MARCHF1: variants seen among roughly 807,000 people sequenced by gnomAD.
MARCHF1 encodes E3 ubiquitin-protein ligase MARCHF1.
Under a neutral mutation model 54.2 loss-of-function variants are expected in MARCHF1, and 40 were observed. The ratio of observed to expected loss-of-function variants is 0.74; its 90% CI spans 0.57 to 0.96. The LOEUF is 0.96. MARCHF1 is among the 40% of genes least tolerant of loss of function. The pLI is 0.00. For missense variants in MARCHF1, 586 were observed against 656.5 expected (o/e 0.89, Z 1.17); for synonymous variants, 236 against 236.3 (o/e 1.00, Z 0.01).
Position 163,528,179 on chromosome 4 carries a change from ATGCAT to A in MARCHF1, c.*564_*568del, listed in dbSNP as rs1738202723. ...TATATTGCATCTATTTAAAAAAAACATGCATCTGTCAAAATAACCAGACTCCACTA... is the reference window on the plus strand; with the variant it reads ...TATATTGCATCTATTTAAAAAAAACACTGTCAAAATAACCAGACTCCACTA... On this transcript the variant is annotated 3_prime_UTR_variant, in exon 10 of 10. Transcript: ENST00000514618. 1 of 152,584 alleles carries A rather than the reference ATGCAT, an allele frequency of 6.6e-6. No individual in the cohort carries two copies. The highest frequency in any genetic ancestry group is 1.5e-5 in the Non-Finnish European group (1 of 68,068). 9.5% of individuals were successfully genotyped at this position (152,584 alleles called of 1,614,324 possible).
chr4:163,587,022 A>C (rs2110830235), intron 7 of MARCHF1, among the ~76,000 whole-genome samples: 1 of 152,348 alleles, frequency 6.6e-6, no homozygotes, highest in Non-Finnish European at 1.5e-5. Flanking sequence ...GAGTACAGAA[A>C]ATCCTATTGT....
intron 4 of MARCHF1, among the ~76,000 whole-genome samples, chr4:163,767,559 C>T (rs1364789401): frequency 1.3e-5 from 2 of 152,098 alleles, no homozygotes; most frequent in Non-Finnish European, 2.9e-5. Context: ...TGGTCTCGAT[C>T]TCCTGACCTC....
At chr4:164,149,719 T>A (rs17044585) in intron 1 of MARCHF1, among the ~76,000 whole-genome samples, 28,874 of 151,942 alleles carry the variant, frequency 0.19, 4,344 homozygotes, top group African/African-American at 0.41. Context: ...CAGTTTTGGA[T>A]ATACTTAAAG....
At chr4:164,325,750 C>A (rs1735261024) in intron 1 of MARCHF1, among the ~76,000 whole-genome samples, 1 of 151,628 alleles carries the variant, frequency 6.6e-6, no homozygotes. Flanking sequence ...ATAAAAAAGA[C>A]CTCAGTGCTC....
chr4:164,260,031 A>G (rs1442531914), intron 1 of MARCHF1, among the ~76,000 whole-genome samples: 2 of 152,182 alleles, frequency 1.3e-5, no homozygotes, highest in African/African-American at 4.8e-5. Flanking sequence ...TGATTTTAAC[A>G]TATAACCGGG....
At chr4:163,960,459 G>A (rs1267788794) in intron 3 of MARCHF1, among the ~76,000 whole-genome samples, 3 of 151,914 alleles carry the variant, frequency 2.0e-5, no homozygotes, top group Non-Finnish European at 2.9e-5. Flanking sequence ...TTTACATTAC[G>A]GAATACTATG....
intron 1 of MARCHF1, among the ~76,000 whole-genome samples, chr4:164,341,870 C>T (rs1007218006): frequency 2.0e-5 from 3 of 152,118 alleles, no homozygotes; most frequent in Admixed American, 6.5e-5. Flanking sequence ...AACTCTGAAA[C>T]AAATTAAGTA....
At chr4:163,531,209 A>G (rs1010624544) in intron 9 of MARCHF1, among the ~76,000 whole-genome samples, 7 of 151,892 alleles carry the variant, frequency 4.6e-5, no homozygotes, top group Non-Finnish European at 1.0e-4. Flanking sequence ...AGTATCTCTC[A>G]TGAGCAGATA....
At chr4:163,729,324 T>G (rs1417126054) in intron 4 of MARCHF1, among the ~76,000 whole-genome samples, 1 of 152,146 alleles carries the variant, frequency 6.6e-6, no homozygotes. Flanking sequence ...TACTCTCTAC[T>G]TCTATCTCCT....
At chr4:164,311,378 G>A (rs1276696472) in intron 1 of MARCHF1, among the ~76,000 whole-genome samples, 1 of 151,988 alleles carries the variant, frequency 6.6e-6, no homozygotes, top group Admixed American at 6.6e-5. Flanking sequence ...AAACATACTG[G>A]GTTTAGTTCC....
chr4:164,327,343 T>G (rs565228342), intron 1 of MARCHF1, among the ~76,000 whole-genome samples: 1 of 151,926 alleles, frequency 6.6e-6, no homozygotes, highest in Non-Finnish European at 1.5e-5. Flanking sequence ...TCTTAAAGAA[T>G]GGAGGAAAAG....
At chr4:164,361,831 T>C (rs1730731418) in intron 1 of MARCHF1, among the ~76,000 whole-genome samples, 1 of 152,114 alleles carries the variant, frequency 6.6e-6, no homozygotes, top group South Asian at 2.1e-4. Context: ...TTCACAACAC[T>C]GTACCATAAT....
chr4:164,339,538 A>G (rs1330829724), intron 1 of MARCHF1, among the ~76,000 whole-genome samples: 1 of 152,192 alleles, frequency 6.6e-6, no homozygotes, highest in Non-Finnish European at 1.5e-5. Flanking sequence ...AATTTAAAAC[A>G]ACATATCAAA....
intron 5 of MARCHF1, among the ~76,000 whole-genome samples, chr4:163,642,595 C>G (rs536509236): frequency 6.6e-6 from 1 of 152,064 alleles, no homozygotes; most frequent in South Asian, 2.1e-4. Context: ...AAGTTCTTAC[C>G]ATAATGACTA....
At chr4:163,670,320 T>C (rs922271992) in intron 5 of MARCHF1, among the ~76,000 whole-genome samples, 34 of 151,974 alleles carry the variant, frequency 2.2e-4, no homozygotes, top group Non-Finnish European at 3.5e-4. Flanking sequence ...TATTAAAAAA[T>C]AACATGACAT....
intron 4 of MARCHF1, among the ~76,000 whole-genome samples, chr4:163,760,912 A>G (rs1746809358): frequency 6.6e-6 from 1 of 152,214 alleles, no homozygotes; most frequent in South Asian, 2.1e-4. Flanking sequence ...TTAAATGGGT[A>G]TGAAGTTACA....
chr4:164,315,366 C>T (rs770882005), intron 1 of MARCHF1, among the ~76,000 whole-genome samples: 45 of 151,904 alleles, frequency 3.0e-4, no homozygotes, highest in African/African-American at 8.7e-4. Flanking sequence ...TATGGAAACA[C>T]GGCAGATCGA....
intron 2 of MARCHF1, among the ~76,000 whole-genome samples, chr4:164,080,105 C>A (rs914823048): frequency 2.0e-5 from 3 of 152,150 alleles, no homozygotes; most frequent in Non-Finnish European, 4.4e-5. Flanking sequence ...GTGCTTACAT[C>A]AAGTAAGCGC....
Position 163,585,751 on chromosome 4 carries a change from T to TC in MARCHF1, c.1188dup (p.Lys397GlufsTer11). 1 of 1,594,508 alleles carries TC rather than the reference T, an allele frequency of 6.3e-7. No individual in the cohort carries two copies. Among genetic ancestry groups the TC allele is most frequent in the Non-Finnish European group, 8.6e-7 (1 of 1,169,002 alleles). ...ACCAATTCCTATGGATACTGTACCT[T>TC]CCGGAGGGGTTTGAGCTTGGTCTCC... On this transcript the variant is annotated frameshift_variant, in exon 8 of 10. Coordinates refer to ENST00000514618, the MANE Select transcript of MARCHF1 (RefSeq NM_001394959.1). LOFTEE classifies it high-confidence loss of function.
Sources: allele counts gnomAD v4.1 joint callset (sites outside exome capture counted in the v4.1 genomes callset), GRCh38; gene constraint gnomAD v4.1.1; transcripts MANE v1.5; gene names NCBI Gene and HGNC (gene_info 2026-07-23, HGNC 2026-07-21).